IL1RAPL1: variants seen among roughly 807,000 people sequenced by gnomAD.
IL1RAPL1 encodes interleukin 1 receptor accessory protein like 1.
IL1RAPL1 carries 3 observed loss-of-function variants against 48.4 expected under a neutral mutation model. The ratio of observed to expected loss-of-function variants is 0.06; its 90% CI spans 0.03 to 0.16. IL1RAPL1 has a LOEUF of 0.16. IL1RAPL1 is among the 10% of genes least tolerant of loss of function. IL1RAPL1 has a pLI of 1.00. For synonymous variants in IL1RAPL1, 185 were observed against 187.7 expected (o/e 0.99, Z 0.12); for missense variants, 349 against 530.6 (o/e 0.66, Z 3.36).
chrX:29,548,795 T>C (rs909766028), intron 5 of IL1RAPL1, among the ~76,000 whole-genome samples: 1 of 111,958 alleles, frequency 8.9e-6, no homozygotes, highest in Admixed American at 9.5e-5. Flanking sequence ...TTCATAATGA[T>C]TTATCTCAGT....
intron 6 of IL1RAPL1, among the ~76,000 whole-genome samples, chrX:29,891,039 C>A: frequency 8.9e-6 from 1 of 111,737 alleles, no homozygotes; most frequent in Admixed American, 9.5e-5. Context: ...GGCTTGCTAT[C>A]CTTTCTTCCA....
At chrX:28,906,568 C>T (rs1432202518) in intron 2 of IL1RAPL1, among the ~76,000 whole-genome samples, 1 of 111,493 alleles carries the variant, frequency 9.0e-6, no homozygotes, top group Non-Finnish European at 1.9e-5. Context: ...TTGAGTGCCT[C>T]AAAACAAAGA....
At chrX:29,743,868 G>A (rs1361595997) in intron 6 of IL1RAPL1, among the ~76,000 whole-genome samples, 1 of 112,044 alleles carries the variant, frequency 8.9e-6, no homozygotes, top group African/African-American at 3.2e-5. Context: ...TTCCATTATT[G>A]GAGCAGATTG....
intron 2 of IL1RAPL1, among the ~76,000 whole-genome samples, chrX:28,905,702 T>C (rs777728263): frequency 3.6e-5 from 4 of 112,282 alleles, no homozygotes; most frequent in East Asian, 5.6e-4. Flanking sequence ...ATTTATTTCA[T>C]ATGTAAAGAA....
chrX:29,306,848 G>C (rs1328215876), intron 3 of IL1RAPL1, among the ~76,000 whole-genome samples: 14 of 80,130 alleles, frequency 1.7e-4, no homozygotes, highest in African/African-American at 6.6e-4. Context: ...GTGACAGAGT[G>C]AGACTCTGTC....
chrX:28,748,232 C>T (rs958653520), intron 1 of IL1RAPL1, among the ~76,000 whole-genome samples: 1 of 111,532 alleles, frequency 9.0e-6, no homozygotes, highest in Non-Finnish European at 1.9e-5. Flanking sequence ...ATTTTGCTGT[C>T]CGTAAAATCA....
At position 29,511,703 on chromosome X, in the gene IL1RAPL1, T is replaced by C. The variant is rs181365565; in HGVS notation, c.703+112395T>C. ...TGCATTTTGACTCTATTCTTCCTTATTCAGTAAACGAGCCAGATTTACATT... is the reference window on the plus strand; with the variant it reads ...TGCATTTTGACTCTATTCTTCCTTACTCAGTAAACGAGCCAGATTTACATT... On this transcript the variant is annotated intron_variant, in intron 5 of 10. Transcript: ENST00000378993. Among the ~76,000 whole-genome samples the C allele has an allele frequency of 1.1e-3, 123 of 111,625 alleles. 2 individuals carry two copies. In the South Asian group the frequency reaches 0.043, roughly 39 times the overall value.
chrX:29,414,509 A>G (rs1934189376), intron 5 of IL1RAPL1, among the ~76,000 whole-genome samples: 1 of 110,954 alleles, frequency 9.0e-6, no homozygotes, highest in African/African-American at 3.3e-5. Context: ...ACTTGAGCCC[A>G]GGAGTTTAAG....
intron 1 of IL1RAPL1, among the ~76,000 whole-genome samples, chrX:28,704,421 AACACACACACAC>A (rs71703533): frequency 4.5e-5 from 4 of 89,521 alleles, no homozygotes; most frequent in East Asian, 7.5e-4. Flanking sequence ...AAAACACACA[AACACACACACAC>A]ACACACACAC....
chrX:28,674,272 A>G (rs6630725), intron 1 of IL1RAPL1, among the ~76,000 whole-genome samples: 9,171 of 110,007 alleles, frequency 0.083, 799 homozygotes, highest in East Asian at 0.33. Flanking sequence ...AACCCAAAAC[A>G]ACATTAAAAT....
chrX:29,802,997 G>GCATAGATGTATA (rs1253079142), intron 6 of IL1RAPL1, among the ~76,000 whole-genome samples: 1,646 of 40,374 alleles, frequency 0.041, 266 homozygotes, highest in East Asian at 0.045. Context: ...ACATATATAT[G>GCATAGATGTATA]TATGCATATA....
chrX:28,843,364 C>G (rs1212126542), intron 2 of IL1RAPL1, among the ~76,000 whole-genome samples: 1 of 111,055 alleles, frequency 9.0e-6, no homozygotes, highest in Non-Finnish European at 1.9e-5. Context: ...AAGATAATCC[C>G]TAGCTAGTCG....
intron 1 of IL1RAPL1, among the ~76,000 whole-genome samples, chrX:28,693,143 A>C (rs1163437625): frequency 8.9e-6 from 1 of 112,053 alleles, no homozygotes; most frequent in Non-Finnish European, 1.9e-5. Flanking sequence ...CTCTTACTTC[A>C]TAGAGGAAAA....
chrX:29,176,388 T>C (rs12558533), intron 2 of IL1RAPL1, among the ~76,000 whole-genome samples: 49,242 of 107,188 alleles, frequency 0.46, 8,857 homozygotes, highest in Non-Finnish European at 0.55. Context: ...CTTCGCTTTT[T>C]TGACAGGTTT....
intron 2 of IL1RAPL1, among the ~76,000 whole-genome samples, chrX:29,158,716 T>C (rs1929615049): frequency 1.8e-5 from 2 of 110,540 alleles, no homozygotes; most frequent in Non-Finnish European, 3.8e-5. Context: ...ATCTGTGGTG[T>C]TCATAGAAAC....
chrX:29,420,319 G>A (rs1411488067), intron 5 of IL1RAPL1, among the ~76,000 whole-genome samples: 1 of 112,591 alleles, frequency 8.9e-6, no homozygotes, highest in Non-Finnish European at 1.9e-5. Context: ...TTATTGTAAA[G>A]TCACAAATGG....
chrX:28,974,123 G>A (rs186187940), intron 2 of IL1RAPL1, among the ~76,000 whole-genome samples: 3 of 111,749 alleles, frequency 2.7e-5, no homozygotes, highest in Admixed American at 1.9e-4. Context: ...TTGATGTAGT[G>A]GTTACAGATG....
chrX:28,646,781 T>G (rs774335960), intron 1 of IL1RAPL1, among the ~76,000 whole-genome samples: 3 of 112,544 alleles, frequency 2.7e-5, no homozygotes, highest in Non-Finnish European at 5.6e-5. Flanking sequence ...TTCCCAACTG[T>G]TACTCCTTTC....
chrX:29,565,108 G>A (rs1455048450), intron 5 of IL1RAPL1, among the ~76,000 whole-genome samples: 2 of 111,613 alleles, frequency 1.8e-5, no homozygotes, highest in African/African-American at 6.5e-5. Flanking sequence ...CAATGACTGT[G>A]ACATGACTAA....
Sources: allele counts gnomAD v4.1 joint callset (sites outside exome capture counted in the v4.1 genomes callset), GRCh38; gene constraint gnomAD v4.1.1; transcripts MANE v1.5; gene names NCBI Gene and HGNC (gene_info 2026-07-23, HGNC 2026-07-21).